TM9SF1: variants seen among roughly 807,000 people sequenced by gnomAD.
TM9SF1 encodes the protein transmembrane 9 superfamily member 1.
A neutral mutation model predicts 52.4 loss-of-function variants in TM9SF1; 25 were observed. The ratio of observed to expected loss-of-function variants is 0.48; its 90% CI spans 0.35 to 0.67. TM9SF1 has a LOEUF of 0.67. Among genes scored for constraint, TM9SF1 ranks in the 30% least tolerant of loss-of-function variants. The pLI is 0.01. For synonymous variants in TM9SF1, 284 were observed against 299.8 expected, an observed-to-expected ratio of 0.95 and a Z score of 0.55; for missense variants, 604 against 780.3, an observed-to-expected ratio of 0.77 and a Z score of 2.69.
Position 24,192,538 on chromosome 14 carries a change from T to C in TM9SF1, c.967+110A>G. On this transcript the variant is annotated intron_variant, in intron 3 of 5. Coordinates refer to ENST00000261789, the MANE Select transcript of TM9SF1 (RefSeq NM_006405.7). This position sits in a 1 kb window ranked among gnomAD's most constrained non-coding sequence, Gnocchi z 4.0. ...TTCTTGCTAGAGCCACCCTATCCCT[T>C]AGGTCTGCCCCTCTGGATAGAAGAG... is the stretch of plus-strand genomic sequence containing the variant. 1 of 1,426,842 alleles carries C rather than the reference T, an allele frequency of 7.0e-7. No homozygotes were observed. 88.4% of individuals were successfully genotyped at this position (1,426,842 alleles called of 1,614,324 possible). A position where few individuals can be genotyped will look rare whatever the true frequency, so the allele number is the denominator to read the frequency against.
chr14:24,191,729 T>A (rs945137007), intron 4 of TM9SF1: 3 of 159,304 alleles, frequency 1.9e-5, no homozygotes, highest in Admixed American at 1.8e-4. Context: ...TGCATTCTTG[T>A]TTTTTTTTGG....
chr14:24,189,293 AG>A lies in TM9SF1; in HGVS notation c.*121del, dbSNP rs1376475815. The A allele has an allele frequency of 6.3e-6, 7 of 1,112,022 alleles. No individual in the cohort carries two copies. The highest frequency in any genetic ancestry group is 8.9e-6 in the Non-Finnish European group (7 of 785,260). The allele number at this position is 1,112,022 out of a possible 1,614,324, so 68.9% of individuals were successfully genotyped here. A position where few individuals can be genotyped will look rare whatever the true frequency, so the allele number is the denominator to read the frequency against. ...CCCTCTCTGGGGAAGGAATGCCCAA[AG>A]GGCAAAAGGGAAGGCAACAATGCCA... On this transcript the variant is annotated 3_prime_UTR_variant, in exon 6 of 6. Transcript: ENST00000261789.
chr14:24,189,539 GTC>G lies in TM9SF1; in HGVS notation c.1695_1696del (p.Gln565HisfsTer37). The G allele has an allele frequency of 6.2e-7, 1 of 1,614,204 alleles. No homozygotes were observed. Among genetic ancestry groups the G allele is most frequent in the Non-Finnish European group, 8.5e-7 (1 of 1,180,036 alleles). ...TAAGGAGTAGCCGAAGAACTCTACT[GTC>G]TGTACTGCCCCAGACATGTTGGAGC... On this transcript the variant is annotated frameshift_variant, in exon 6 of 6. Coordinates refer to ENST00000261789, the MANE Select transcript of TM9SF1 (RefSeq NM_006405.7). LOFTEE classifies it high-confidence loss of function.
At chr14:24,195,197 C>T (rs1255435616) in intron 1 of TM9SF1, 149 bp downstream of exon 1, 1 of 603,972 alleles carries the variant, frequency 1.7e-6, no homozygotes, top group Non-Finnish European at 2.9e-6. Context: ...CGCTCCACCT[C>T]TGCTCTCTCA....
intron 1 of TM9SF1, 59 bp from the exon 2 acceptor site, chr14:24,195,095 G>C (rs2039378014): frequency 1.5e-6 from 2 of 1,311,170 alleles, no homozygotes; most frequent in Non-Finnish European, 2.1e-6. Flanking sequence ...CCCCAGGTCA[G>C]GTGCCTCGAA....
In TM9SF1 at chr14:24,192,939, C is replaced by T. The variant is rs1480039984; in HGVS notation, c.676G>A (p.Gly226Ser). The change falls in exon 3 of 6, where the codon GGT (glycine) becomes AGT (serine). Residue 226 changes from glycine (G) to serine (S), a missense_variant. Physicochemically the swap from Gly to Ser is moderately conservative, Grantham distance 56 (BLOSUM62 0). This residue lies in a region of TM9SF1 where 450 missense variants were observed against 560.1 expected (regional missense o/e 0.80). Transcript: ENST00000261789. This position sits in a 1 kb window ranked among gnomAD's most constrained non-coding sequence, Gnocchi z 4.0. ...ATTTCCAGTGTTCGAGGAAAGAAAC[C>T]ACCATCGTCACCACGGCGCCTGTCA... ...RSDRRRGDDG[G>S]FFPRTLEIHW... 6.2e-7 allele frequency: 1 copy of T among 1,614,070 alleles called. No homozygotes were observed. The highest frequency in any genetic ancestry group is 2.2e-5 in the East Asian group (1 of 44,886).
chr14:24,192,466 T>A lies in TM9SF1; in HGVS notation c.968-110A>T. ...AGACCCAGGGCCTCCAGCAAAACAATCTCCCCCAGTTTTGCTATCCAGAAA... is the reference window on the plus strand; with the variant it reads ...AGACCCAGGGCCTCCAGCAAAACAAACTCCCCCAGTTTTGCTATCCAGAAA... On this transcript the variant is annotated intron_variant, in intron 3 of 5. Transcript: ENST00000261789. This position sits in a 1 kb window ranked among gnomAD's most constrained non-coding sequence, Gnocchi z 4.0. The A allele has an allele frequency of 7.1e-7, 1 of 1,398,926 alleles. No homozygotes were observed. The highest frequency in any genetic ancestry group is 9.7e-7 in the Non-Finnish European group (1 of 1,030,592). The allele number at this position is 1,398,926 out of a possible 1,614,324, so 86.7% of individuals were successfully genotyped here. A position where few individuals can be genotyped will look rare whatever the true frequency, so the allele number is the denominator to read the frequency against.
intron 1 of TM9SF1, 39 bp from the exon 2 acceptor site, chr14:24,195,075 G>C: frequency 6.6e-7 from 1 of 1,512,490 alleles, no homozygotes; most frequent in South Asian, 1.2e-5. Context: ...AACCAGGGAG[G>C]TTACAGAAAC....
At position 24,194,681 on chromosome 14, in the gene TM9SF1, A is replaced by G; in HGVS notation, c.339T>C (p.Ser113=). ...CCAATGTGGAGAGGCTGACCTGTGC[A>G]GAACTGAGCTGCATGTGGCACAGAA... ...KRILCHMQLS[S]AQVEQLRQAI... is the part of the protein sequence containing the mutation. The change falls in exon 2 of 6, where the codon TCT becomes TCC. Residue 113 remains serine, a synonymous_variant. Transcript: ENST00000261789. The G allele has an allele frequency of 1.2e-6, 2 of 1,613,930 alleles. No individual in the cohort carries two copies. The highest frequency in any genetic ancestry group is 1.7e-6 in the Non-Finnish European group (2 of 1,179,802).
In TM9SF1 at chr14:24,194,888, C is replaced by T. The variant is rs770837954; in HGVS notation, c.132G>A (p.Leu44=). Reference sequence around the variant, plus strand: ...GGTAGGGTCCCACTTTGTTGACATACAGAATAACAGGGTCGCCGGCCTTGT... The same window carrying T: ...GGTAGGGTCCCACTTTGTTGACATATAGAATAACAGGGTCGCCGGCCTTGT... ...THYKAGDPVI[L]YVNKVGPYHN... is the part of the protein sequence containing the mutation. The change falls in exon 2 of 6, where the codon CTG becomes CTA. Residue 44 remains leucine (L), a synonymous_variant. Transcript: ENST00000261789. 23 of 1,614,116 alleles carry T rather than the reference C, an allele frequency of 1.4e-5. No homozygotes were observed. Among genetic ancestry groups the T allele is most frequent in the Non-Finnish European group, 1.9e-5 (23 of 1,180,054 alleles).
At chr14:24,190,180 C>T (rs755157618) in intron 5 of TM9SF1, 200 bp downstream of exon 5, 65 of 1,378,666 alleles carry the variant, frequency 4.7e-5, no homozygotes, top group Admixed American at 1.1e-4. Flanking sequence ...GAAATGTCTC[C>T]GGAGAGCTTT....
chr14:24,195,116 C>G, intron 1 of TM9SF1, 80 bp from the exon 2 acceptor site: 1 of 968,352 alleles, frequency 1.0e-6, no homozygotes, highest in Non-Finnish European at 1.5e-6. Flanking sequence ...CTGAGGTCCC[C>G]TGGCTCCACT....
At chr14:24,193,881 C>T (rs1439631889) in intron 2 of TM9SF1, among the ~76,000 whole-genome samples, 2 of 150,540 alleles carry the variant, frequency 1.3e-5, no homozygotes, top group Admixed American at 6.6e-5. Context: ...GATTGCGCCA[C>T]GGCACTCCAG....
chr14:24,192,958 C>G lies in TM9SF1; in HGVS notation c.657G>C (p.Arg219Ser), dbSNP rs770577834. Residue 219 changes from arginine to serine, a missense_variant, in exon 3 of 6, where the codon AGG becomes AGC. By Grantham distance (110) the Arg-to-Ser change is moderately radical (BLOSUM62 -1). This residue lies in a region of TM9SF1 where 450 missense variants were observed against 560.1 expected (regional missense o/e 0.80). Transcript: ENST00000261789. The surrounding 1 kb of genome is among the most constrained non-coding windows in gnomAD (Gnocchi z 4.0). Reference protein sequence around the residue: ...SETSVERRSDRRRGDDGGFFP... With the variant: ...SETSVERRSDSRRGDDGGFFP... ...AGAAACCACCATCGTCACCACGGCGCCTGTCACTCCGACGCTCCACTGAAG... is the reference window on the plus strand; with the variant it reads ...AGAAACCACCATCGTCACCACGGCGGCTGTCACTCCGACGCTCCACTGAAG... The G allele has an allele frequency of 1.9e-6, 3 of 1,614,006 alleles. No homozygotes were observed. The South Asian group carries it at 3.3e-5, about 18-fold the overall frequency.
Position 24,189,353 on chromosome 14 carries a change from T to A in TM9SF1, c.*62A>T, listed in dbSNP as rs2039280700. 2 of 1,509,086 alleles carry A rather than the reference T, an allele frequency of 1.3e-6. No homozygotes were observed. Among genetic ancestry groups the A allele is most frequent in the Non-Finnish European group, 1.8e-6 (2 of 1,121,336 alleles). The allele number at this position is 1,509,086 out of a possible 1,614,324, so 93.5% of individuals were successfully genotyped here. On this transcript the variant is annotated 3_prime_UTR_variant, in exon 6 of 6. Coordinates refer to ENST00000261789, the MANE Select transcript of TM9SF1 (RefSeq NM_006405.7). Reference sequence around the variant, plus strand: ...TTCAGTCAATCAGAAGAGAAGCTGGTAGGAGAGTTCAACAGGGCATGAAGA... The same window carrying A: ...TTCAGTCAATCAGAAGAGAAGCTGGAAGGAGAGTTCAACAGGGCATGAAGA...
In TM9SF1 at chr14:24,189,211, C is replaced by T; in HGVS notation, c.*204G>A. 1.9e-6 allele frequency: 1 copy of T among 519,312 alleles called. No individual in the cohort carries two copies. The highest frequency in any genetic ancestry group is 3.3e-6 in the Non-Finnish European group (1 of 304,728). The allele number at this position is 519,312 out of a possible 1,614,324, so 32.2% of individuals were successfully genotyped here. On this transcript the variant is annotated 3_prime_UTR_variant, in exon 6 of 6. Coordinates refer to ENST00000261789, the MANE Select transcript of TM9SF1 (RefSeq NM_006405.7). ...GAAAAATCAGGACCAAAACTAAAGG[C>T]AACTTAAAAAGTTCAAATATATAAT...
At chr14:24,193,658 TG>T (rs1340525063) in intron 2 of TM9SF1, among the ~76,000 whole-genome samples, 2 of 148,148 alleles carry the variant, frequency 1.3e-5, no homozygotes. Context: ...CGGAGGCTCA[TG>T]CCTGTAATCC....
chr14:24,191,888 G>C (rs1003409217), intron 4 of TM9SF1: 1 of 358,358 alleles, frequency 2.8e-6, no homozygotes, highest in South Asian at 2.9e-5. Context: ...GCTCACTGTA[G>C]CCTCAACCTC....
Position 24,192,205 on chromosome 14 carries a change from C to T in TM9SF1, c.1119G>A (p.Val373=), listed in dbSNP as rs772465222. The part of the protein sequence containing the change: ...FYRQIGGERW[V]WNIILTTSLF... ...GACTGGTGGTGAGAATGATGTTCCA[C>T]ACCCAACGCTCGCCTCCAATCTGCC... Residue 373 remains valine (V), a synonymous_variant, in exon 4 of 6, where the codon GTG becomes GTA. Coordinates refer to ENST00000261789, the MANE Select transcript of TM9SF1 (RefSeq NM_006405.7). This position sits in a 1 kb window ranked among gnomAD's most constrained non-coding sequence, Gnocchi z 4.0. 2.5e-6 allele frequency: 4 copies of T among 1,614,084 alleles called. No homozygotes were observed. The African/African-American group carries it at 5.3e-5, about 22-fold the overall frequency.
Sources: allele counts gnomAD v4.1 joint callset (sites outside exome capture counted in the v4.1 genomes callset), GRCh38; gene constraint gnomAD v4.1.1; regional missense constraint gnomAD v4.1.1; non-coding constraint Gnocchi (gnomAD v3.1); transcripts MANE v1.5; gene names NCBI Gene and HGNC (gene_info 2026-07-23, HGNC 2026-07-21).